Variants in TBC1D1 observed in about 807,000 individuals in gnomAD.
TBC1D1 encodes TBC1 domain family member 1.
In TBC1D1, 89 loss-of-function variants were observed where a neutral mutation model predicts 125.6. The ratio of observed to expected loss-of-function variants is 0.71; its 90% CI spans 0.60 to 0.85. The LOEUF (loss-of-function observed/expected upper bound fraction) is 0.85, where lower values mean the gene tolerates loss of function less well. TBC1D1 is among the 40% of genes least tolerant of loss of function. The probability of loss-of-function intolerance (pLI) is 0.00; values close to 1 mark genes in which losing one functional copy is unlikely to be tolerated. For synonymous variants in TBC1D1, 565 were observed against 564.1 expected (o/e 1.00, Z -0.02); for missense variants, 1,377 against 1,469.2 (o/e 0.94, Z 1.03).
At chr4:38,011,278 G>GC (rs1271781508) in intron 2 of TBC1D1, among the ~76,000 whole-genome samples, 1 of 144,926 alleles carries the variant, frequency 6.9e-6, no homozygotes, top group Non-Finnish European at 1.6e-5. Flanking sequence ...GCTTGAACCT[G>GC]GGGGGCAGAG....
chr4:38,057,831 A>C (rs186055194), intron 12 of TBC1D1, among the ~76,000 whole-genome samples: 37 of 152,302 alleles, frequency 2.4e-4, no homozygotes, highest in African/African-American at 8.9e-4. Context: ...CCAGGGAGTT[A>C]GTGGGAGCCA....
At chr4:37,919,322 C>A (rs1444552932) in intron 2 of TBC1D1, among the ~76,000 whole-genome samples, 1 of 150,714 alleles carries the variant, frequency 6.6e-6, no homozygotes, top group African/African-American at 2.4e-5. Flanking sequence ...TGCCACCATG[C>A]CTAGCTGGTT....
intron 14 of TBC1D1, among the ~76,000 whole-genome samples, chr4:38,101,612 G>A (rs916684222): frequency 2.0e-5 from 3 of 152,176 alleles, no homozygotes; most frequent in Non-Finnish European, 4.4e-5. Context: ...ACATGGCAAT[G>A]TCTGTGCAGT....
At chr4:37,980,892 G>T (rs1734206895) in intron 2 of TBC1D1, among the ~76,000 whole-genome samples, 1 of 152,060 alleles carries the variant, frequency 6.6e-6, no homozygotes, top group South Asian at 2.1e-4. Context: ...CCTTTAAAAA[G>T]TGTGCACCCT....
At chr4:38,052,003 T>C in intron 11 of TBC1D1, 1 of 1,551,062 alleles carries the variant, frequency 6.4e-7, no homozygotes, top group South Asian at 1.2e-5. Flanking sequence ...CCAAACTTTT[T>C]TAAGTACCTA....
At chr4:37,978,157 G>T (rs1006017510) in intron 2 of TBC1D1, among the ~76,000 whole-genome samples, 1 of 152,198 alleles carries the variant, frequency 6.6e-6, no homozygotes, top group Non-Finnish European at 1.5e-5. Context: ...ATCCAGGCCA[G>T]TTGCACTGTT....
rs547584242 is a variant in TBC1D1 at position 37,976,901 on chromosome 4, A to T, written c.418-37608A>T. Among the ~76,000 whole-genome samples the T allele has an allele frequency of 5.3e-5, 8 of 152,252 alleles. No homozygotes were observed. In the East Asian group the frequency reaches 1.5e-3, roughly 29 times the overall value. ...CAAGAAAACCACCTTTGATTATATA[A>T]AGGTATTAGGGGCTGGGGAACACTG... On this transcript the variant is annotated intron_variant, in intron 2 of 19. Transcript: ENST00000261439.
chr4:38,028,089 G>A (rs554244677), intron 7 of TBC1D1, among the ~76,000 whole-genome samples: 65 of 151,302 alleles, frequency 4.3e-4, no homozygotes, highest in African/African-American at 1.6e-3. Flanking sequence ...TAAAAGACAC[G>A]ATAGCTGATG....
At chr4:38,085,977 C>T (rs571334980) in intron 12 of TBC1D1, among the ~76,000 whole-genome samples, 1 of 152,308 alleles carries the variant, frequency 6.6e-6, no homozygotes, top group East Asian at 1.9e-4. Flanking sequence ...GCCTTGTGCC[C>T]AGTCTGGATC....
intron 12 of TBC1D1, among the ~76,000 whole-genome samples, chr4:38,080,353 G>A (rs68111590): frequency 0.18 from 26,794 of 152,130 alleles, 2,650 homozygotes; most frequent in East Asian, 0.45. Flanking sequence ...AGCAGTCAGG[G>A]TAACTCCATG....
chr4:37,976,818 TA>T (rs927467883), intron 2 of TBC1D1, among the ~76,000 whole-genome samples: 1 of 152,214 alleles, frequency 6.6e-6, no homozygotes, highest in Non-Finnish European at 1.5e-5. Context: ...AGGCAGGAGC[TA>T]AATGGTTCTT....
In TBC1D1 at chr4:37,945,832, A is replaced by G. The variant is rs543913567; in HGVS notation, c.417+43320A>G. ...ATTTTAAATCTTTTTGATAGAATCT[A>G]ATGAACAAATATGGGTTAATTTTAA... On this transcript the variant is annotated intron_variant, in intron 2 of 19. Transcript: ENST00000261439. Among the ~76,000 whole-genome samples, 4 of 152,334 alleles carry G rather than the reference A, an allele frequency of 2.6e-5. No homozygotes were observed. In the South Asian group the frequency reaches 8.3e-4, roughly 32 times the overall value.
intron 13 of TBC1D1, among the ~76,000 whole-genome samples, chr4:38,094,730 A>T (rs559968981): frequency 6.6e-6 from 1 of 151,750 alleles, no homozygotes; most frequent in African/African-American, 2.4e-5. Flanking sequence ...TGCTTGTAGC[A>T]GCCTTACTGC....
At chr4:38,006,625 T>C (rs552173142) in intron 2 of TBC1D1, among the ~76,000 whole-genome samples, 5 of 151,846 alleles carry the variant, frequency 3.3e-5, no homozygotes, top group East Asian at 1.9e-4. Flanking sequence ...ACTACAGGCA[T>C]GTGCCACCAC....
intron 8 of TBC1D1, among the ~76,000 whole-genome samples, chr4:38,040,316 G>A (rs1334142011): frequency 6.6e-6 from 1 of 152,122 alleles, no homozygotes; most frequent in African/African-American, 2.4e-5. Flanking sequence ...TGGAGACAGA[G>A]TCTCGCTCTG....
At chr4:37,907,839 C>A (rs1717659760) in intron 2 of TBC1D1, among the ~76,000 whole-genome samples, 1 of 152,202 alleles carries the variant, frequency 6.6e-6, no homozygotes, top group Non-Finnish European at 1.5e-5. Flanking sequence ...TCAGCCTTGT[C>A]TCTTCTACAA....
chr4:37,977,293 C>A lies in TBC1D1; in HGVS notation c.418-37216C>A, dbSNP rs904534036. ...TCCCCGCGCTCTCCCCTCCCACTTC[C>A]CTTTCTCTGCCTGGCCGCCCCGCGG... On this transcript the variant is annotated intron_variant, in intron 2 of 19. Coordinates refer to ENST00000261439, the MANE Select transcript of TBC1D1 (RefSeq NM_015173.4). The surrounding 1 kb of genome is among the most constrained non-coding windows in gnomAD (Gnocchi z 4.3). 1 of 148,474 alleles carries A rather than the reference C, an allele frequency of 6.7e-6. No individual in the cohort carries two copies. The highest frequency in any genetic ancestry group is 2.5e-5 in the African/African-American group (1 of 40,310). The allele number at this position is 148,474 out of a possible 1,614,324, so 9.2% of individuals were successfully genotyped here.
At chr4:37,913,793 G>A (rs35464786) in intron 2 of TBC1D1, among the ~76,000 whole-genome samples, 11,425 of 141,972 alleles carry the variant, frequency 0.08, 559 homozygotes, top group East Asian at 0.21. Flanking sequence ...GCACTCCCTT[G>A]CCTTTTCTTT....
Position 38,113,120 on chromosome 4 carries a change from C to T in TBC1D1, c.2558-2590C>T, listed in dbSNP as rs531615173. The stretch of plus-strand genomic sequence containing the variant: ...GGGGCTGCCTCCCCCTAAATTGGTA[C>T]ATAATTTGCAGGGCCTATTGCAAGA... On this transcript the variant is annotated intron_variant, in intron 15 of 19. Transcript: ENST00000261439. Among the ~76,000 whole-genome samples the T allele has an allele frequency of 3.3e-5, 5 of 152,290 alleles. No individual in the cohort carries two copies. The East Asian group carries it at 9.6e-4, about 29-fold the overall frequency.
Sources: gnomAD v4.1 joint callset for allele counts (sites outside exome capture counted in the v4.1 genomes callset) on GRCh38, gnomAD v4.1.1 for gene constraint, Gnocchi (gnomAD v3.1) non-coding constraint, MANE v1.5 for transcripts, NCBI Gene and HGNC (gene_info 2026-07-23, HGNC 2026-07-21) for gene names.